Variants in CCSER1 observed in about 807,000 individuals in gnomAD.
CCSER1 encodes the protein coiled-coil serine rich protein 1.
CCSER1 carries 41 observed loss-of-function variants against 82.0 expected under a neutral mutation model. That is an observed-to-expected ratio of 0.50 (90% CI 0.39 to 0.65). The LOEUF (loss-of-function observed/expected upper bound fraction) is 0.65, where lower values mean the gene tolerates loss of function less well. Among genes scored for constraint, CCSER1 ranks in the 30% least tolerant of loss-of-function variants. The pLI is 0.00. For missense variants in CCSER1, 1,119 were observed against 1,064.2 expected (o/e 1.05, Z -0.72); for synonymous variants, 414 against 383.9 (o/e 1.08, Z -0.92).
chr4:90,287,378 A>G (rs1423608416), intron 1 of CCSER1, among the ~76,000 whole-genome samples: 1 of 152,008 alleles, frequency 6.6e-6, no homozygotes, highest in East Asian at 1.9e-4. Flanking sequence ...AACCTTAAGT[A>G]ATTTGTGGTA....
chr4:90,408,740 G>C (rs191475985), intron 4 of CCSER1, among the ~76,000 whole-genome samples: 101 of 152,326 alleles, frequency 6.6e-4, no homozygotes, highest in African/African-American at 2.4e-3. Flanking sequence ...CTCCTCCAAA[G>C]GAATGCAGCT....
intron 8 of CCSER1, among the ~76,000 whole-genome samples, chr4:90,816,223 C>T: frequency 6.6e-6 from 1 of 152,132 alleles, no homozygotes. Flanking sequence ...AATACTTGAT[C>T]TAGCAAACAA....
At chr4:91,151,822 C>T (rs1730237225) in intron 10 of CCSER1, among the ~76,000 whole-genome samples, 1 of 152,126 alleles carries the variant, frequency 6.6e-6, no homozygotes, top group South Asian at 2.1e-4. Flanking sequence ...AATTTGATTC[C>T]ACTGTGGTCT....
rs545792937 is a variant in CCSER1, at chr4:91,462,162, C to A, written c.2218-136410C>A. On this transcript the variant is annotated intron_variant, in intron 10 of 10. Coordinates refer to ENST00000509176, the MANE Select transcript of CCSER1 (RefSeq NM_001145065.2). The stretch of plus-strand genomic sequence containing the variant: ...TTAATAATCATGAATTCTGAAGTAA[C>A]AAAAATCCTGAATAAATGAGATTTT... Among the ~76,000 whole-genome samples the A allele has an allele frequency of 3.9e-5, 6 of 152,116 alleles. No individual in the cohort carries two copies. In the South Asian group the frequency reaches 1.0e-3, roughly 26 times the overall value.
chr4:91,113,761 A>G (rs1726289780), intron 10 of CCSER1, among the ~76,000 whole-genome samples: 1 of 152,188 alleles, frequency 6.6e-6, no homozygotes, highest in Non-Finnish European at 1.5e-5. Flanking sequence ...GAAATCTTTT[A>G]AACATATAAA....
chr4:90,528,740 T>C (rs1414109327), intron 5 of CCSER1, among the ~76,000 whole-genome samples: 1 of 152,222 alleles, frequency 6.6e-6, no homozygotes, highest in Non-Finnish European at 1.5e-5. Context: ...ATTTTATCTG[T>C]GCATCTAAAT....
chr4:90,698,920 C>T (rs1306645668), intron 6 of CCSER1, among the ~76,000 whole-genome samples: 2 of 151,960 alleles, frequency 1.3e-5, no homozygotes, highest in South Asian at 2.1e-4. Context: ...GCCTGGGCAA[C>T]ATAGTGGGAC....
chr4:90,965,694 A>G (rs1194121957), intron 9 of CCSER1, among the ~76,000 whole-genome samples: 2 of 152,148 alleles, frequency 1.3e-5, no homozygotes, highest in Non-Finnish European at 2.9e-5. Flanking sequence ...GCCATGTGAA[A>G]GAGAAGAATC....
intron 5 of CCSER1, among the ~76,000 whole-genome samples, chr4:90,486,068 T>A (rs1422291252): frequency 6.6e-6 from 1 of 152,196 alleles, no homozygotes; most frequent in Non-Finnish European, 1.5e-5. Context: ...TTGTAGATGT[T>A]CACAAATCAG....
intron 8 of CCSER1, among the ~76,000 whole-genome samples, chr4:90,823,754 A>G (rs1198402022): frequency 2.0e-5 from 3 of 152,076 alleles, no homozygotes; most frequent in Middle Eastern, 3.4e-3. Flanking sequence ...TTATTTTAAA[A>G]TGTTAATTTT....
intron 1 of CCSER1, among the ~76,000 whole-genome samples, chr4:90,215,060 T>C (rs1182524927): frequency 6.6e-6 from 1 of 152,206 alleles, no homozygotes; most frequent in Non-Finnish European, 1.5e-5. Flanking sequence ...ATTAATGCTT[T>C]GAGTGCTATA....
chr4:90,875,913 G>A (rs1215980843), intron 8 of CCSER1, among the ~76,000 whole-genome samples: 2 of 152,144 alleles, frequency 1.3e-5, no homozygotes, highest in East Asian at 1.9e-4. Context: ...AGACTATTGC[G>A]ATGGTGTTTC....
chr4:91,306,186 A>G (rs1202331059), intron 10 of CCSER1, among the ~76,000 whole-genome samples: 1 of 151,922 alleles, frequency 6.6e-6, no homozygotes, highest in Non-Finnish European at 1.5e-5. Flanking sequence ...TTTGTTTCAT[A>G]GAGAAGTCAA....
intron 9 of CCSER1, among the ~76,000 whole-genome samples, chr4:91,032,008 AT>A (rs1386857186): frequency 6.6e-6 from 1 of 152,026 alleles, no homozygotes; most frequent in Non-Finnish European, 1.5e-5. Context: ...TTTAAAAGCT[AT>A]TTTGTCACTT....
At chr4:90,374,638 G>T (rs1164793569) in intron 3 of CCSER1, among the ~76,000 whole-genome samples, 1 of 152,072 alleles carries the variant, frequency 6.6e-6, no homozygotes, top group Non-Finnish European at 1.5e-5. Context: ...ATTACACAAA[G>T]CATTGTCCTC....
At chr4:91,304,259 G>C (rs147396635) in intron 10 of CCSER1, among the ~76,000 whole-genome samples, 1 of 152,004 alleles carries the variant, frequency 6.6e-6, no homozygotes, top group African/African-American at 2.4e-5. Flanking sequence ...CTGTTTAAAA[G>C]ATAACAAAAC....
intron 5 of CCSER1, among the ~76,000 whole-genome samples, chr4:90,484,191 A>G (rs1243925562): frequency 6.7e-6 from 1 of 149,364 alleles, no homozygotes; most frequent in Non-Finnish European, 1.5e-5. Context: ...TGCATTCATC[A>G]CGTAGTTCTC....
At chr4:90,777,168 C>T (rs145506307) in intron 7 of CCSER1, among the ~76,000 whole-genome samples, 2,959 of 151,966 alleles carry the variant, frequency 0.019, 79 homozygotes, top group African/African-American at 0.062. Flanking sequence ...ACCAGCCCAG[C>T]CAACATGGTG....
At chr4:90,673,098 G>T (rs1281219959) in intron 6 of CCSER1, among the ~76,000 whole-genome samples, 1 of 151,904 alleles carries the variant, frequency 6.6e-6, no homozygotes, top group Non-Finnish European at 1.5e-5. Flanking sequence ...TTGGAAAAAT[G>T]GCCCCAATAG....
Sources: allele counts gnomAD v4.1 joint callset (sites outside exome capture counted in the v4.1 genomes callset), GRCh38; gene constraint gnomAD v4.1.1; transcripts MANE v1.5; gene names NCBI Gene and HGNC (gene_info 2026-07-23, HGNC 2026-07-21).